The following TMPRSS13 variants were observed in gnomAD, a reference collection of about 807,000 sequenced individuals.
The protein encoded by TMPRSS13 is transmembrane protease serine 13.
Under a neutral mutation model 68.4 loss-of-function variants are expected in TMPRSS13, and 50 were observed. That is an observed-to-expected ratio of 0.73 (90% confidence interval 0.58 to 0.93). The LOEUF (loss-of-function observed/expected upper bound fraction) is 0.93. TMPRSS13 is among the 40% of genes least tolerant of loss of function. The probability of loss-of-function intolerance (pLI) is 0.00; values close to 1 mark genes in which losing one functional copy is unlikely to be tolerated. For missense variants in TMPRSS13, 615 were observed against 729.2 expected, an observed-to-expected ratio of 0.84 and a Z score of 1.80; for synonymous variants, 267 against 285.8, an observed-to-expected ratio of 0.93 and a Z score of 0.66.
At chr11:117,911,890 GC>G in intron 5 of TMPRSS13, 30 bp from the exon 6 acceptor site, 4 of 1,579,206 alleles carry the variant, frequency 2.5e-6, no homozygotes, top group Non-Finnish European at 2.6e-6. Context: ...AGAAGAATGA[GC>G]CCCCTGGAGA....
chr11:117,908,765 C>T lies in TMPRSS13; in HGVS notation c.1129G>A (p.Glu377Lys), dbSNP rs376515426. 10 of 1,607,454 alleles carry T rather than the reference C, an allele frequency of 6.2e-6. No homozygotes were observed. The African/African-American group carries it at 1.3e-4, about 21-fold the overall frequency. The change falls in exon 9 of 13, where the codon GAG becomes AAG. Residue 377 changes from glutamate (E) to lysine (K), a missense_variant. Glu to Lys is a moderately conservative substitution (Grantham distance 56). Transcript: ENST00000524993. The part of the protein sequence containing the change: ...CFFVTREKVL[E>K]GWKVYAGTSN... Reference sequence around the variant, plus strand: ...GTGCCCGCGTACACCTTCCAGCCCTCCAGGACCTTCTCCCGGGTCCTGCAA... The same window carrying T: ...GTGCCCGCGTACACCTTCCAGCCCTTCAGGACCTTCTCCCGGGTCCTGCAA...
At chr11:117,918,936 C>T (rs753440818) in intron 1 of TMPRSS13, 98 bp from the exon 2 acceptor site, 33 of 1,522,816 alleles carry the variant, frequency 2.2e-5, no homozygotes, top group Non-Finnish European at 2.7e-5. Context: ...TCTGGGGCAG[C>T]AGCTAGGGGT....
intron 1 of TMPRSS13, among the ~76,000 whole-genome samples, chr11:117,919,695 C>A (rs1450513915): frequency 6.6e-6 from 1 of 152,266 alleles, no homozygotes; most frequent in Non-Finnish European, 1.5e-5. Flanking sequence ...ACGTTCACAT[C>A]TGTGGCCTCA....
Position 117,909,809 on chromosome 11 carries a change from A to G in TMPRSS13, c.1106T>C (p.Phe369Ser). The G allele has an allele frequency of 6.2e-7, 1 of 1,609,488 alleles. No homozygotes were observed. The highest frequency in any genetic ancestry group is 1.1e-5 in the South Asian group (1 of 91,028). The change falls in exon 8 of 13, where the codon TTC (phenylalanine) becomes TCC (serine). Residue 369 changes from phenylalanine to serine, a missense_variant. Transcript: ENST00000524993. The stretch of plus-strand genomic sequence containing the variant: ...CACCTGCCTCTCAGGCACTTACACG[A>G]AGAAGCAGTGGGCGGCAGTGAGCAC... ...QWVLTAAHCFFVTREKVLEGW... is the reference protein window; with the variant it reads ...QWVLTAAHCFSVTREKVLEGW...
chr11:117,925,231 T>C (rs941918574), intron 1 of TMPRSS13, among the ~76,000 whole-genome samples: 3 of 152,150 alleles, frequency 2.0e-5, no homozygotes, highest in Non-Finnish European at 4.4e-5. Context: ...GGAGTCAACA[T>C]AACATTCATT....
intron 1 of TMPRSS13, among the ~76,000 whole-genome samples, chr11:117,927,125 A>G (rs2057714999): frequency 6.6e-6 from 1 of 152,164 alleles, no homozygotes; most frequent in African/African-American, 2.4e-5. Context: ...AAGGCAGCCA[A>G]CTGTTCAAAC....
chr11:117,907,476 T>C (rs2057475159), intron 9 of TMPRSS13: 2 of 152,108 alleles, frequency 1.3e-5, no homozygotes, highest in South Asian at 4.2e-4. Flanking sequence ...CCTCCATAAT[T>C]AATGTGCGAG....
intron 1 of TMPRSS13, 25 bp downstream of exon 1, chr11:117,929,262 G>A (rs773159422): frequency 1.8e-5 from 28 of 1,595,262 alleles, no homozygotes; most frequent in Non-Finnish European, 2.3e-5. Context: ...GGAGAATCTG[G>A]CCCGAGGCCT....
At chr11:117,928,065 G>A (rs899514262) in intron 1 of TMPRSS13, among the ~76,000 whole-genome samples, 2 of 152,100 alleles carry the variant, frequency 1.3e-5, no homozygotes, top group African/African-American at 2.4e-5. Flanking sequence ...GCCACCCTCC[G>A]GATAGCTCAG....
At chr11:117,908,121 T>G in intron 9 of TMPRSS13, 1 of 1,036,530 alleles carries the variant, frequency 9.6e-7, no homozygotes, top group Non-Finnish European at 1.2e-6. Context: ...GGGAATCAGA[T>G]CGACCTGGTT....
chr11:117,925,127 A>G (rs2057692405), intron 1 of TMPRSS13, among the ~76,000 whole-genome samples: 1 of 152,222 alleles, frequency 6.6e-6, no homozygotes, highest in African/African-American at 2.4e-5. Context: ...GTTTCCGTGG[A>G]GGTGCCTTGC....
chr11:117,928,877 G>A (rs1261938949), intron 1 of TMPRSS13, among the ~76,000 whole-genome samples: 2 of 152,178 alleles, frequency 1.3e-5, no homozygotes, highest in Non-Finnish European at 2.9e-5. Context: ...TAGACAAGAT[G>A]CCCCTGAATT....
chr11:117,902,629 G>T (rs763778918), intron 12 of TMPRSS13, among the ~76,000 whole-genome samples: 1 of 152,214 alleles, frequency 6.6e-6, no homozygotes. Context: ...AATTCCTGCC[G>T]TGGAGGGAGG....
At chr11:117,921,435 A>T (rs1369339074) in intron 1 of TMPRSS13, among the ~76,000 whole-genome samples, 2 of 152,230 alleles carry the variant, frequency 1.3e-5, no homozygotes, top group African/African-American at 4.8e-5. Context: ...ACTCTAGCAC[A>T]GTCGTCTCAT....
chr11:117,909,612 A>C (rs892001996), intron 8 of TMPRSS13, among the ~76,000 whole-genome samples, 194 bp downstream of exon 8: 3 of 152,158 alleles, frequency 2.0e-5, no homozygotes, highest in Admixed American at 2.0e-4. Flanking sequence ...CCTTGGGCCT[A>C]GCTCGGAACA....
chr11:117,917,270 C>G lies in TMPRSS13; in HGVS notation c.456G>C (p.Thr152=), dbSNP rs771944471. 5 of 1,611,400 alleles carry G rather than the reference C, an allele frequency of 3.1e-6. No individual in the cohort carries two copies. The East Asian group carries it at 6.7e-5, about 22-fold the overall frequency. Residue 152 remains threonine, a synonymous_variant, in exon 3 of 13, where the codon ACG becomes ACC. Coordinates refer to ENST00000524993, the MANE Select transcript of TMPRSS13 (RefSeq NM_001077263.3). ...CCCGCCAGGTGAACTTGGGCAGGCT[C>G]GTACCTAGGAGCAGGGCGGCAGCAG... ...ATRATRESPG[T]SLPKFTWREG...
At position 117,918,527 on chromosome 11, in the gene TMPRSS13, C is replaced by G. The variant is rs3802870; in HGVS notation, c.333G>C (p.Ser111=). The stretch of plus-strand genomic sequence containing the variant: ...ACACTCTGGTTGGGGAGGTTGTCAC[C>G]GAGGCTGACCTGGCGGATGATGACC... ...SGRSSSARSA[S]VTTSPTRVYL... is the part of the protein sequence containing the mutation. The change falls in exon 2 of 13, where the codon TCG becomes TCC. Residue 111 remains serine (S), a synonymous_variant. Coordinates refer to ENST00000524993, the MANE Select transcript of TMPRSS13 (RefSeq NM_001077263.3). The G allele has an allele frequency of 0.051, 82,888 of 1,614,062 alleles. 3,256 individuals are homozygous for G. Among genetic ancestry groups the G allele is most frequent in the East Asian group, 0.19 (8,363 of 44,856 alleles).
At chr11:117,927,578 C>T (rs141468249) in intron 1 of TMPRSS13, among the ~76,000 whole-genome samples, 10 of 152,262 alleles carry the variant, frequency 6.6e-5, no homozygotes, top group South Asian at 2.1e-4. Context: ...ATCTTCCTCA[C>T]GACATTTTGG....
rs1007443801 is a variant in TMPRSS13, at chr11:117,914,917, C to T, written c.557-403G>A. Among the ~76,000 whole-genome samples the T allele has an allele frequency of 1.3e-5, 2 of 152,160 alleles. No homozygotes were observed. Among genetic ancestry groups the T allele is most frequent in the Non-Finnish European group, 2.9e-5 (2 of 68,030 alleles). ...CTGCCATCCCATCTTCTCTGTGCTC[C>T]GCAGGGTCACAGCAGATAAATTTCT... On this transcript the variant is annotated intron_variant, in intron 3 of 12. Coordinates refer to ENST00000524993, the MANE Select transcript of TMPRSS13 (RefSeq NM_001077263.3). This position sits in a 1 kb window ranked among gnomAD's most constrained non-coding sequence, Gnocchi z 4.2.
Sources: allele counts gnomAD v4.1 joint callset (sites outside exome capture counted in the v4.1 genomes callset), GRCh38; gene constraint gnomAD v4.1.1; non-coding constraint Gnocchi (gnomAD v3.1); transcripts MANE v1.5; gene names NCBI Gene and HGNC (gene_info 2026-07-23, HGNC 2026-07-21).